C8orf34: variants seen among roughly 807,000 people sequenced by gnomAD.
The protein encoded by C8orf34 is chromosome 8 open reading frame 34.
Under a neutral mutation model 68.3 loss-of-function variants are expected in C8orf34, and 65 were observed. That is an observed-to-expected ratio of 0.95 (90% CI 0.78 to 1.17). The LOEUF (loss-of-function observed/expected upper bound fraction) is 1.17, where lower values mean the gene tolerates loss of function less well. Among genes scored for constraint, C8orf34 ranks in the 50% most tolerant of loss-of-function variants. C8orf34 has a pLI of 0.00. For missense variants in C8orf34, 664 were observed against 655.4 expected (o/e 1.01, Z -0.14); for synonymous variants, 244 against 241.2 (o/e 1.01, Z -0.11).
At chr8:68,539,998 AC>A (rs1348842833) in intron 7 of C8orf34, among the ~76,000 whole-genome samples, 1 of 152,150 alleles carries the variant, frequency 6.6e-6, no homozygotes, top group African/African-American at 2.4e-5. Flanking sequence ...AATATTATAA[AC>A]ACATTTTCAA....
chr8:68,489,115 C>A (rs1003979070), intron 5 of C8orf34, among the ~76,000 whole-genome samples: 2 of 152,096 alleles, frequency 1.3e-5, no homozygotes, highest in Non-Finnish European at 2.9e-5. Flanking sequence ...TTGAAAATCT[C>A]TTTAATGTAT....
At chr8:68,470,790 A>G (rs577024768) in intron 4 of C8orf34, among the ~76,000 whole-genome samples, 1 of 152,212 alleles carries the variant, frequency 6.6e-6, no homozygotes, top group African/African-American at 2.4e-5. Flanking sequence ...GGCCTCTTTT[A>G]TAAGGGCAGT....
At chr8:68,722,331 A>T (rs1585781819) in intron 10 of C8orf34, among the ~76,000 whole-genome samples, 1 of 151,946 alleles carries the variant, frequency 6.6e-6, no homozygotes, top group Non-Finnish European at 1.5e-5. Flanking sequence ...TAACTTAATT[A>T]CCTCTTTAAA....
intron 3 of C8orf34, among the ~76,000 whole-genome samples, chr8:68,468,125 T>C (rs1812226714): frequency 6.6e-6 from 1 of 151,988 alleles, no homozygotes; most frequent in South Asian, 2.1e-4. Context: ...CCTTGCAAAA[T>C]CCAGTTACCA....
intron 7 of C8orf34, among the ~76,000 whole-genome samples, chr8:68,622,386 G>A (rs935388685): frequency 2.0e-5 from 3 of 152,024 alleles, no homozygotes; most frequent in African/African-American, 7.2e-5. Context: ...TGACACAAGT[G>A]TGTTCAGCAT....
chr8:68,681,024 CA>C (rs1424528361), intron 8 of C8orf34, among the ~76,000 whole-genome samples: 1 of 152,124 alleles, frequency 6.6e-6, no homozygotes, highest in Non-Finnish European at 1.5e-5. Flanking sequence ...TCCCTACTTG[CA>C]TGTCCATTTA....
At chr8:68,786,009 C>G (rs1315877216) in intron 11 of C8orf34, among the ~76,000 whole-genome samples, 1 of 152,106 alleles carries the variant, frequency 6.6e-6, no homozygotes, top group Admixed American at 6.6e-5. Context: ...TGTCATGTTT[C>G]TTAAGTATCA....
intron 5 of C8orf34, among the ~76,000 whole-genome samples, chr8:68,492,572 A>C (rs941448037): frequency 7.9e-5 from 12 of 152,108 alleles, no homozygotes; most frequent in Admixed American, 7.9e-4. Context: ...GTTGTGGCTG[A>C]CATCTATCTC....
chr8:68,570,666 T>C lies in C8orf34; in HGVS notation c.1105+37517T>C, dbSNP rs538986338. ...GTAAAAGCCCTGTGAAATAAGTCAT[T>C]AACCTCCTGCTACTCAAAGGGTGTT... On this transcript the variant is annotated intron_variant, in intron 7 of 13. Transcript: ENST00000518698. Among the ~76,000 whole-genome samples the C allele has an allele frequency of 3.9e-5, 6 of 152,296 alleles. No homozygotes were observed. The East Asian group carries it at 1.2e-3, about 29-fold the overall frequency.
chr8:68,466,738 CATATAT>C (rs35661495), intron 3 of C8orf34, among the ~76,000 whole-genome samples: 11 of 120,630 alleles, frequency 9.1e-5, no homozygotes, highest in Admixed American at 2.5e-4. Flanking sequence ...CAACGTTGTA[CATATAT>C]ATATATATAT....
intron 1 of C8orf34, among the ~76,000 whole-genome samples, chr8:68,423,014 G>T (rs777636602): frequency 6.6e-6 from 1 of 152,214 alleles, no homozygotes; most frequent in Non-Finnish European, 1.5e-5. Flanking sequence ...ACAGAGCAGG[G>T]AGACCCTGAG....
chr8:68,478,869 T>G (rs1181384371), intron 4 of C8orf34, among the ~76,000 whole-genome samples: 1 of 152,140 alleles, frequency 6.6e-6, no homozygotes, highest in East Asian at 1.9e-4. Flanking sequence ...GGTTTCTCCC[T>G]CAACAAGTGG....
In C8orf34 at chr8:68,686,212, A is replaced by G. The variant is rs1427533682; in HGVS notation, c.1242-22782A>G. 3.3e-5 allele frequency among the ~76,000 whole-genome samples: 5 copies of G among 152,230 alleles called. No individual in the cohort carries two copies. The East Asian group carries it at 9.7e-4, about 29-fold the overall frequency. On this transcript the variant is annotated intron_variant, in intron 8 of 13. Coordinates refer to ENST00000518698, the MANE Select transcript of C8orf34 (RefSeq NM_052958.4). Reference sequence around the variant, plus strand: ...ACGGCTGAATTCTACCAGATATTCAAAGAAGAATTGATACCAATCGTACTG... The same window carrying G: ...ACGGCTGAATTCTACCAGATATTCAGAGAAGAATTGATACCAATCGTACTG...
At chr8:68,562,226 T>C (rs1235149317) in intron 7 of C8orf34, among the ~76,000 whole-genome samples, 1 of 152,174 alleles carries the variant, frequency 6.6e-6, no homozygotes, top group African/African-American at 2.4e-5. Flanking sequence ...ATAGGAATTT[T>C]TCATCTTCAT....
intron 7 of C8orf34, among the ~76,000 whole-genome samples, chr8:68,613,739 G>A (rs1818101304): frequency 6.6e-6 from 1 of 151,636 alleles, no homozygotes; most frequent in South Asian, 2.1e-4. Flanking sequence ...GAATAGTGCT[G>A]CAATAAATAT....
intron 12 of C8orf34, among the ~76,000 whole-genome samples, chr8:68,809,689 C>G (rs1824588454): frequency 6.6e-6 from 1 of 152,154 alleles, no homozygotes; most frequent in Admixed American, 6.5e-5. Context: ...ATCATTAATC[C>G]CAACCTACCT....
chr8:68,336,103 A>G (rs1263575734), intron 1 of C8orf34, among the ~76,000 whole-genome samples: 2 of 151,860 alleles, frequency 1.3e-5, no homozygotes, highest in African/African-American at 2.4e-5. Context: ...AAGAAAAAAA[A>G]TAGTATTTTA....
rs781424668 is a variant in C8orf34, at chr8:68,370,427, G to A, written c.327+39088G>A. On this transcript the variant is annotated intron_variant, in intron 1 of 13. Coordinates refer to ENST00000518698, the MANE Select transcript of C8orf34 (RefSeq NM_052958.4). Reference sequence around the variant, plus strand: ...GCTGAAAGAAGAGCCAATCCCAGTGGCAACATTTCTTACTGCCCTCCCTGG... The same window carrying A: ...GCTGAAAGAAGAGCCAATCCCAGTGACAACATTTCTTACTGCCCTCCCTGG... 3.3e-5 allele frequency among the ~76,000 whole-genome samples: 5 copies of A among 152,156 alleles called. No homozygotes were observed. In the East Asian group the frequency reaches 5.8e-4, roughly 18 times the overall value.
Position 68,809,315 on chromosome 8 carries a change from T to A in C8orf34, c.1550-6571T>A, listed in dbSNP as rs76486401. Among the ~76,000 whole-genome samples, 13 of 152,350 alleles carry A rather than the reference T, an allele frequency of 8.5e-5. No individual in the cohort carries two copies. The East Asian group carries it at 2.5e-3, about 29-fold the overall frequency. ...GAGCTCATTTTTCTGTGTCTCTTAA[T>A]TATTCTATGGCTTCTACATTCAATT... On this transcript the variant is annotated intron_variant, in intron 12 of 13. Coordinates refer to ENST00000518698, the MANE Select transcript of C8orf34 (RefSeq NM_052958.4).
Sources: gnomAD v4.1 joint callset for allele counts (sites outside exome capture counted in the v4.1 genomes callset) on GRCh38, gnomAD v4.1.1 for gene constraint, MANE v1.5 for transcripts, NCBI Gene and HGNC (gene_info 2026-07-23, HGNC 2026-07-21) for gene names.